NRG3: variants seen among roughly 807,000 people sequenced by gnomAD.
NRG3 encodes pro-neuregulin-3, membrane-bound isoform.
Under a neutral mutation model 66.9 loss-of-function variants are expected in NRG3, and 31 were observed. That is an observed-to-expected ratio of 0.46 (90% CI 0.35 to 0.63). The LOEUF (loss-of-function observed/expected upper bound fraction) is 0.63, where lower values mean the gene tolerates loss of function less well. Among genes scored for constraint, NRG3 ranks in the 20% least tolerant of loss-of-function variants. NRG3 has a pLI of 0.00. For synonymous variants in NRG3, 393 were observed against 359.4 expected (o/e 1.09, Z -1.06); for missense variants, 910 against 878.9 (o/e 1.04, Z -0.45).
chr10:82,509,920 A>AAAATG (rs569597670), intron 2 of NRG3, among the ~76,000 whole-genome samples: 37 of 152,182 alleles, frequency 2.4e-4, no homozygotes, highest in African/African-American at 8.7e-4. Context: ...CCAACAGAAG[A>AAAATG]AAATGGGCCC....
chr10:82,305,033 C>T (rs1187393902), intron 1 of NRG3, among the ~76,000 whole-genome samples: 1 of 121,754 alleles, frequency 8.2e-6, no homozygotes, highest in African/African-American at 3.2e-5. Context: ...CTCCCTCTGT[C>T]GCCCAGGCTG....
intron 1 of NRG3, among the ~76,000 whole-genome samples, chr10:81,985,131 T>TAGA: frequency 6.6e-6 from 1 of 152,332 alleles, no homozygotes; most frequent in Non-Finnish European, 1.5e-5. Flanking sequence ...TTCTAAGGGT[T>TAGA]TTCATGTTAA....
intron 1 of NRG3, among the ~76,000 whole-genome samples, chr10:81,907,490 A>T (rs986876915): frequency 1.3e-5 from 2 of 152,202 alleles, no homozygotes; most frequent in Non-Finnish European, 2.9e-5. Flanking sequence ...ATTTTAAAAT[A>T]TATGTGTATT....
At chr10:81,987,930 T>A (rs2133540188) in intron 1 of NRG3, among the ~76,000 whole-genome samples, 1 of 152,332 alleles carries the variant, frequency 6.6e-6, no homozygotes, top group East Asian at 1.9e-4. Flanking sequence ...CCTAGCATTC[T>A]TAGATTGTCA....
chr10:82,451,936 G>A (rs1434319780), intron 2 of NRG3, among the ~76,000 whole-genome samples: 1 of 152,070 alleles, frequency 6.6e-6, no homozygotes, highest in East Asian at 1.9e-4. Context: ...GGGTTCTATA[G>A]GTTTGACAAT....
intron 1 of NRG3, among the ~76,000 whole-genome samples, chr10:81,885,049 T>C (rs1842512106): frequency 6.6e-6 from 1 of 152,196 alleles, no homozygotes; most frequent in Non-Finnish European, 1.5e-5. Context: ...CATAACTAAA[T>C]CTTTGTACCC....
At chr10:82,039,709 AT>A (rs1564760153) in intron 1 of NRG3, among the ~76,000 whole-genome samples, 1 of 152,090 alleles carries the variant, frequency 6.6e-6, no homozygotes, top group Non-Finnish European at 1.5e-5. Flanking sequence ...ATTAGCCTTA[AT>A]TTATGGAGGG....
intron 2 of NRG3, among the ~76,000 whole-genome samples, chr10:82,561,157 A>T (rs924426883): frequency 5.3e-5 from 8 of 152,310 alleles, no homozygotes; most frequent in Admixed American, 3.9e-4. Context: ...TGCTATTTAA[A>T]AAGAAAGCTA....
chr10:82,601,389 C>A (rs1210599309), intron 2 of NRG3, among the ~76,000 whole-genome samples: 1 of 152,170 alleles, frequency 6.6e-6, no homozygotes, highest in Non-Finnish European at 1.5e-5. Flanking sequence ...GTGGCTATCA[C>A]AAAAATTCCA....
chr10:82,938,555 A>G (rs929009211), intron 4 of NRG3, among the ~76,000 whole-genome samples: 1 of 152,250 alleles, frequency 6.6e-6, no homozygotes, highest in Non-Finnish European at 1.5e-5. Context: ...TTATGTTTGT[A>G]GATCTTCCAG....
chr10:81,890,249 G>A lies in NRG3; in HGVS notation c.823+14086G>A, dbSNP rs564334446. On this transcript the variant is annotated intron_variant, in intron 1 of 8. Coordinates refer to ENST00000372141, the MANE Select transcript of NRG3 (RefSeq NM_001010848.4). ...TGGCAAGGAAGGGTTTAAGCCTTTC[G>A]GCTACTTGGATTGGCTAGAAGCAAT... 2.0e-5 allele frequency among the ~76,000 whole-genome samples: 3 copies of A among 152,204 alleles called. No homozygotes were observed. In the South Asian group the frequency reaches 6.2e-4, roughly 32 times the overall value.
At chr10:82,269,292 G>T (rs565929406) in intron 1 of NRG3, among the ~76,000 whole-genome samples, 11 of 152,226 alleles carry the variant, frequency 7.2e-5, no homozygotes, top group Admixed American at 2.0e-4. Flanking sequence ...GTTAATTCTT[G>T]TTAGTGGCTC....
chr10:82,930,789 C>T (rs1847494256), intron 4 of NRG3, among the ~76,000 whole-genome samples: 1 of 152,182 alleles, frequency 6.6e-6, no homozygotes, highest in Non-Finnish European at 1.5e-5. Context: ...GTTACTTTCA[C>T]TGGCTTTCCT....
rs373961132 is a variant in NRG3 at position 82,764,516 on chromosome 10, C to G, written c.1027+25866C>G. Among the ~76,000 whole-genome samples the G allele has an allele frequency of 1.1e-3, 170 of 151,912 alleles. 1 individual carries two copies. The highest frequency in any genetic ancestry group is 2.1e-3 in the Non-Finnish European group (144 of 67,950). On this transcript the variant is annotated intron_variant, in intron 3 of 8. Coordinates refer to ENST00000372141, the MANE Select transcript of NRG3 (RefSeq NM_001010848.4). Reference sequence around the variant, plus strand: ...TAGCTGAGATTACAGGCACCCACCGCCACGCCTGGCTAATTTTTGTATTTT... The same window carrying G: ...TAGCTGAGATTACAGGCACCCACCGGCACGCCTGGCTAATTTTTGTATTTT...
intron 1 of NRG3, among the ~76,000 whole-genome samples, chr10:82,272,881 G>T (rs1467875952): frequency 3.3e-5 from 5 of 151,914 alleles, no homozygotes; most frequent in Admixed American, 6.6e-5. Context: ...CCTTTAGAAG[G>T]CTCGCTATGG....
chr10:82,148,827 C>T (rs2070461389), intron 1 of NRG3, among the ~76,000 whole-genome samples: 1 of 152,038 alleles, frequency 6.6e-6, no homozygotes, highest in African/African-American at 2.4e-5. Flanking sequence ...TATGACTTTC[C>T]TTTTTAGACT....
chr10:82,340,426 G>GT (rs2082626817), intron 1 of NRG3, among the ~76,000 whole-genome samples: 1 of 152,142 alleles, frequency 6.6e-6, no homozygotes, highest in African/African-American at 2.4e-5. Flanking sequence ...AGGCTCTTGT[G>GT]TTGCAATATC....
At chr10:82,448,148 C>T (rs1464158061) in intron 2 of NRG3, among the ~76,000 whole-genome samples, 1 of 152,180 alleles carries the variant, frequency 6.6e-6, no homozygotes, top group Non-Finnish European at 1.5e-5. Context: ...TGGAGGATAT[C>T]TTCAGCCATT....
chr10:82,070,396 CT>C (rs1273144037), intron 1 of NRG3, among the ~76,000 whole-genome samples: 3 of 152,072 alleles, frequency 2.0e-5, no homozygotes, highest in Non-Finnish European at 4.4e-5. Flanking sequence ...TTAAGTTAAA[CT>C]TGTAATGTCA....
Sources: gnomAD v4.1 joint callset for allele counts (sites outside exome capture counted in the v4.1 genomes callset) on GRCh38, gnomAD v4.1.1 for gene constraint, MANE v1.5 for transcripts, NCBI Gene and HGNC (gene_info 2026-07-23, HGNC 2026-07-21) for gene names.